ANKK1: variants seen among roughly 807,000 people sequenced by gnomAD.
The protein encoded by ANKK1 is ankyrin repeat and kinase domain containing 1.
In ANKK1, 37 loss-of-function variants were observed where a neutral mutation model predicts 37.6. That is an observed-to-expected ratio of 0.98 (90% confidence interval 0.76 to 1.29). ANKK1 has a LOEUF of 1.29. Among genes scored for constraint, ANKK1 ranks in the 50% most tolerant of loss-of-function variants. ANKK1 has a pLI of 0.00. For missense variants in ANKK1, 1,019 were observed against 990.6 expected (o/e 1.03, Z -0.39); for synonymous variants, 415 against 418.7 (o/e 0.99, Z 0.11).
intron 1 of ANKK1, among the ~76,000 whole-genome samples, chr11:113,392,291 A>G (rs529893800): frequency 6.6e-6 from 1 of 152,322 alleles, no homozygotes; most frequent in South Asian, 2.1e-4. Context: ...TTTCCATGCC[A>G]TGGCAGATGT....
At chr11:113,398,127 C>T (rs1303475609) in intron 7 of ANKK1, 111 bp downstream of exon 7, 13 of 1,305,370 alleles carry the variant, frequency 1.0e-5, no homozygotes, top group Admixed American at 2.0e-5. Flanking sequence ...AGGCCTATCA[C>T]ACATCCAGGG....
chr11:113,391,816 C>T (rs1007041381), intron 1 of ANKK1, among the ~76,000 whole-genome samples: 5 of 151,950 alleles, frequency 3.3e-5, no homozygotes, highest in South Asian at 2.1e-4. Flanking sequence ...GACTAAGCCC[C>T]GTGGTCAAGT....
At chr11:113,391,487 C>T (rs1168705434) in intron 1 of ANKK1, among the ~76,000 whole-genome samples, 1 of 151,888 alleles carries the variant, frequency 6.6e-6, no homozygotes, top group Non-Finnish European at 1.5e-5. Flanking sequence ...CTGAGATGCA[C>T]CTTGGGGGAG....
chr11:113,392,861 C>G (rs576190855), intron 1 of ANKK1, among the ~76,000 whole-genome samples: 6 of 152,002 alleles, frequency 3.9e-5, no homozygotes, highest in Non-Finnish European at 8.8e-5. Context: ...GGGAAGTGCT[C>G]GTGCTCCACA....
intron 1 of ANKK1, among the ~76,000 whole-genome samples, chr11:113,390,756 C>CA (rs1262448976): frequency 2.4e-4 from 35 of 145,892 alleles, no homozygotes; most frequent in Non-Finnish European, 4.7e-4. Flanking sequence ...AAAAACAAAG[C>CA]AAAAAAAAGG....
At chr11:113,393,213 C>T (rs1950601509) in intron 1 of ANKK1, among the ~76,000 whole-genome samples, 1 of 152,148 alleles carries the variant, frequency 6.6e-6, no homozygotes, top group Admixed American at 6.5e-5. Context: ...AACTGTGATA[C>T]CTGCTTTTTT....
intron 6 of ANKK1, among the ~76,000 whole-genome samples, 170 bp from the exon 7 acceptor site, chr11:113,397,810 T>G (rs528706694): frequency 1.3e-5 from 2 of 152,286 alleles, no homozygotes; most frequent in African/African-American, 4.8e-5. Flanking sequence ...AGTGTTTTCC[T>G]CTAGACAGCT....
At chr11:113,389,438 G>T (rs1020277297) in intron 1 of ANKK1, among the ~76,000 whole-genome samples, 3 of 152,054 alleles carry the variant, frequency 2.0e-5, no homozygotes, top group Non-Finnish European at 4.4e-5. Flanking sequence ...TATGTGTCAG[G>T]CACTGTTCTA....
chr11:113,388,681 C>G (rs1220248237), intron 1 of ANKK1, among the ~76,000 whole-genome samples: 1 of 152,194 alleles, frequency 6.6e-6, no homozygotes, highest in African/African-American at 2.4e-5. Flanking sequence ...TGTTTTTGTC[C>G]CTTGCTGTCA....
intron 7 of ANKK1, 24 bp downstream of exon 7, chr11:113,398,040 G>T: frequency 6.4e-7 from 1 of 1,562,498 alleles, no homozygotes; most frequent in Non-Finnish European, 8.7e-7. Context: ...CCACGGGCGG[G>T]ACCAGAGAAC....
chr11:113,393,238 A>C (rs980922392), intron 1 of ANKK1, among the ~76,000 whole-genome samples: 64 of 152,180 alleles, frequency 4.2e-4, no homozygotes, highest in Non-Finnish European at 7.2e-4. Context: ...CCACCTTTGC[A>C]GAATGGACTG....
chr11:113,399,374 G>A lies in ANKK1; in HGVS notation c.1405G>A (p.Ala469Thr). The change falls in exon 8 of 8, where the codon GCA becomes ACA. Residue 469 changes from alanine to threonine, a missense_variant. By Grantham distance (58) the Ala-to-Thr change is moderately conservative (BLOSUM62 0). Transcript: ENST00000303941. ...AGGGTGGACCCCTCTTCACCTGGCT[G>A]CACAGAATAACTTTGAGAATGTGGC... ...REGWTPLHLA[A>T]QNNFENVARL... 1 of 1,601,104 alleles carries A rather than the reference G, an allele frequency of 6.2e-7. No homozygotes were observed. Among genetic ancestry groups the A allele is most frequent in the Non-Finnish European group, 8.5e-7 (1 of 1,174,272 alleles).
Position 113,400,190 on chromosome 11 carries a change from A to G in ANKK1, c.2221A>G (p.Met741Val), listed in dbSNP as rs2138143022. 4 of 1,565,518 alleles carry G rather than the reference A, an allele frequency of 2.6e-6. No individual in the cohort carries two copies. The highest frequency in any genetic ancestry group is 3.5e-4 in the Middle Eastern group (2 of 5,796). The change falls in exon 8 of 8, where the codon ATG (methionine) becomes GTG (valine). Residue 741 changes from methionine (M) to valine (V), a missense_variant. Met to Val is a conservative substitution (Grantham distance 21). Coordinates refer to ENST00000303941, the MANE Select transcript of ANKK1 (RefSeq NM_178510.2). ...CCTCCGCAGCCGAAAGCAGGGCATC[A>G]TGTCCTTCCTAGAGGGCAAGGAGCC... ...LALRSRKQGI[M>V]SFLEGKEPSV...
rs1448415473 is a variant in ANKK1 at position 113,399,332 on chromosome 11, G to C, written c.1363G>C (p.Asp455His). ...GCTCCTGGACCACGGGGCCTGTGTG[G>C]ATGCCCAGGAACGTGAAGGGTGGAC... The part of the protein sequence containing the change: ...RLLLDHGACV[D>H]AQEREGWTPL... Residue 455 changes from aspartate to histidine, a missense_variant, in exon 8 of 8, where the codon GAT (aspartate) becomes CAT (histidine). Asp to His is a moderately conservative substitution (Grantham distance 81). Coordinates refer to ENST00000303941, the MANE Select transcript of ANKK1 (RefSeq NM_178510.2). The C allele has an allele frequency of 6.2e-7, 1 of 1,600,518 alleles. No individual in the cohort carries two copies. Among genetic ancestry groups the C allele is most frequent in the Non-Finnish European group, 8.5e-7 (1 of 1,173,908 alleles).
intron 1 of ANKK1, among the ~76,000 whole-genome samples, chr11:113,391,836 T>C (rs1950589909): frequency 6.6e-6 from 1 of 152,028 alleles, no homozygotes; most frequent in Non-Finnish European, 1.5e-5. Context: ...TAACAGGATA[T>C]GAGCCTGCAA....
rs1247645808 is a variant in ANKK1, at chr11:113,388,012, G to C, written c.128G>C (p.Arg43Pro). The change falls in exon 1 of 8, where the codon CGC (arginine) becomes CCC (proline). Residue 43 changes from arginine to proline, a missense_variant. Coordinates refer to ENST00000303941, the MANE Select transcript of ANKK1 (RefSeq NM_178510.2). ...CAGGTGTTCCAGGCGCGGCACAGGC[G>C]CTGGCGGACGGAGTACGCCATCAAG... ...FSQVFQARHRRWRTEYAIKCA... is the reference protein window; with the variant it reads ...FSQVFQARHRPWRTEYAIKCA... The C allele has an allele frequency of 6.4e-7, 1 of 1,566,072 alleles. No individual in the cohort carries two copies. The highest frequency in any genetic ancestry group is 1.2e-5 in the South Asian group (1 of 85,808).
At chr11:113,388,568 C>T (rs547885547) in intron 1 of ANKK1, among the ~76,000 whole-genome samples, 1 of 152,324 alleles carries the variant, frequency 6.6e-6, no homozygotes, top group East Asian at 1.9e-4. Context: ...AGGCCCCTCC[C>T]AATCAGTGCA....
chr11:113,395,968 T>G (rs1310438469), intron 4 of ANKK1, 99 bp from the exon 5 acceptor site: 14 of 1,412,310 alleles, frequency 9.9e-6, no homozygotes, highest in Admixed American at 3.7e-5. Flanking sequence ...CCCCACTGCG[T>G]GCATGCCCTG....
At position 113,396,184 on chromosome 11, in the gene ANKK1, G is replaced by T; in HGVS notation, c.800G>T (p.Cys267Phe). The change falls in exon 5 of 8, where the codon TGC becomes TTC. Residue 267 changes from cysteine (C) to phenylalanine (F), a missense_variant. Coordinates refer to ENST00000303941, the MANE Select transcript of ANKK1 (RefSeq NM_178510.2). The stretch of plus-strand genomic sequence containing the variant: ...CAGATGGTGGACCTGATGAAACGCT[G>T]CTGGGACCAGGACCCCAAGAAGAGG... The part of the protein sequence containing the change: ...AQQMVDLMKR[C>F]WDQDPKKRPC... 6.2e-7 allele frequency: 1 copy of T among 1,613,976 alleles called. No individual in the cohort carries two copies. The highest frequency in any genetic ancestry group is 8.5e-7 in the Non-Finnish European group (1 of 1,179,888).
Sources: gnomAD v4.1 joint callset for allele counts (sites outside exome capture counted in the v4.1 genomes callset) on GRCh38, gnomAD v4.1.1 for gene constraint, MANE v1.5 for transcripts, NCBI Gene and HGNC (gene_info 2026-07-23, HGNC 2026-07-21) for gene names.